The following CFAP20DC variants were observed in gnomAD, a reference collection of about 807,000 sequenced individuals.
CFAP20DC encodes the protein protein CFAP20DC.
A neutral mutation model predicts 101.7 loss-of-function variants in CFAP20DC; 84 were observed. That is an observed-to-expected ratio of 0.83 (90% CI 0.69 to 0.99). The LOEUF is 0.99. Ranked by LOEUF, CFAP20DC falls within the 50% of genes least tolerant of loss-of-function variation. The probability of loss-of-function intolerance (pLI) is 0.00; values close to 1 mark genes in which losing one functional copy is unlikely to be tolerated. For synonymous variants in CFAP20DC, 359 were observed against 351.2 expected (o/e 1.02, Z -0.25); for missense variants, 1,007 against 970.3 (o/e 1.04, Z -0.50).
At chr3:58,735,740 A>C (rs2067738550) in intron 3 of CFAP20DC, among the ~76,000 whole-genome samples, 1 of 152,214 alleles carries the variant, frequency 6.6e-6, no homozygotes, top group Non-Finnish European at 1.5e-5. Flanking sequence ...CAATGCTGAC[A>C]GCCACTATAT....
At chr3:59,049,159 T>A (rs535061764) in intron 1 of CFAP20DC, among the ~76,000 whole-genome samples, 1 of 152,212 alleles carries the variant, frequency 6.6e-6, no homozygotes, top group African/African-American at 2.4e-5. Context: ...AAACAGCACA[T>A]AGCCAAAGTG....
At chr3:58,843,200 T>A (rs371090685) in intron 13 of CFAP20DC, among the ~76,000 whole-genome samples, 11 of 152,076 alleles carry the variant, frequency 7.2e-5, no homozygotes, top group Non-Finnish European at 1.2e-4. Flanking sequence ...AGGCTTCAGA[T>A]GATCAAATGA....
intron 15 of CFAP20DC, among the ~76,000 whole-genome samples, chr3:58,784,054 T>G (rs1365688347): frequency 6.6e-6 from 1 of 151,920 alleles, no homozygotes. Flanking sequence ...GCCATTTTTT[T>G]TTTTTAAGAC....
chr3:58,820,967 T>C (rs202132618), intron 14 of CFAP20DC, among the ~76,000 whole-genome samples: 13,968 of 144,596 alleles, frequency 0.097, 1,309 homozygotes, highest in East Asian at 0.32. Flanking sequence ...TGGAACAGAA[T>C]AGAGCCCTCA....
At chr3:58,815,471 C>T (rs1432342352) in intron 14 of CFAP20DC, among the ~76,000 whole-genome samples, 2 of 149,222 alleles carry the variant, frequency 1.3e-5, no homozygotes, top group Non-Finnish European at 3.0e-5. Context: ...GTCTAAAACA[C>T]CAAAAGCAAT....
chr3:58,922,599 A>G (rs374473644), intron 5 of CFAP20DC, among the ~76,000 whole-genome samples: 1 of 152,128 alleles, frequency 6.6e-6, no homozygotes, highest in South Asian at 2.1e-4. Flanking sequence ...AACTCTCACT[A>G]TCTGTGCACA....
At chr3:58,947,557 T>C (rs1036073340) in intron 4 of CFAP20DC, among the ~76,000 whole-genome samples, 1 of 152,244 alleles carries the variant, frequency 6.6e-6, no homozygotes, top group Admixed American at 6.5e-5. Context: ...GATCTCCTTC[T>C]GCTTCATGTG....
In CFAP20DC at chr3:58,863,754, T is replaced by G; in HGVS notation, c.1397A>C (p.Gln466Pro). Residue 466 changes from glutamine to proline, a missense_variant, in exon 12 of 17, where the codon CAG becomes CCG. Coordinates refer to ENST00000482387, the MANE Select transcript of CFAP20DC (RefSeq NM_001394063.1). This position sits in a 1 kb window ranked among gnomAD's most constrained non-coding sequence, Gnocchi z 5.9. ...TGGAACACTCTGGGATTCCTCTGCC[T>G]GCTGGTCGTGTTCACTCTCTTTGCT... ...EASKESEHDQ[Q>P]AEESQSVPKD... 1 of 1,614,214 alleles carries G rather than the reference T, an allele frequency of 6.2e-7. No individual in the cohort carries two copies. Among genetic ancestry groups the G allele is most frequent in the Non-Finnish European group, 8.5e-7 (1 of 1,180,038 alleles).
intron 15 of CFAP20DC, among the ~76,000 whole-genome samples, chr3:58,804,370 T>C (rs1024999432): frequency 5.9e-5 from 9 of 151,864 alleles, no homozygotes; most frequent in African/African-American, 2.2e-4. Flanking sequence ...AGTTCTTTTT[T>C]TTTTTTTTTT....
intron 15 of CFAP20DC, among the ~76,000 whole-genome samples, chr3:58,764,267 T>C (rs542654725): frequency 6.6e-6 from 1 of 152,270 alleles, no homozygotes; most frequent in African/African-American, 2.4e-5. Flanking sequence ...TGCTGCCACC[T>C]TGTAGTTTGA....
chr3:58,763,902 T>A (rs935043691), intron 15 of CFAP20DC, among the ~76,000 whole-genome samples: 1 of 152,164 alleles, frequency 6.6e-6, no homozygotes, highest in South Asian at 2.1e-4. Flanking sequence ...TCTGGAAGTT[T>A]TATCTCAGAG....
intron 4 of CFAP20DC, among the ~76,000 whole-genome samples, chr3:58,985,326 C>T (rs929749519): frequency 6.6e-6 from 1 of 152,138 alleles, no homozygotes; most frequent in Admixed American, 6.5e-5. Context: ...ATTCCTTCCT[C>T]TTCAACTCTA....
At chr3:59,042,003 T>C (rs1163481924) in intron 3 of CFAP20DC, among the ~76,000 whole-genome samples, 1 of 152,132 alleles carries the variant, frequency 6.6e-6, no homozygotes, top group Non-Finnish European at 1.5e-5. Context: ...ATTTATATTC[T>C]AGCTCCATGA....
chr3:58,821,154 T>G (rs1452254980), intron 14 of CFAP20DC, among the ~76,000 whole-genome samples: 1 of 151,966 alleles, frequency 6.6e-6, no homozygotes, highest in East Asian at 1.9e-4. Flanking sequence ...CAAGATGGAT[T>G]AAAGATTTAA....
intron 8 of CFAP20DC, 84 bp downstream of exon 8, chr3:58,870,089 C>T (rs2080021604): frequency 1.8e-6 from 1 of 555,258 alleles, no homozygotes; most frequent in South Asian, 1.7e-5. Flanking sequence ...GTCTTTCCCT[C>T]CCTCCCTCCC....
chr3:59,042,516 A>G (rs1277374060), intron 3 of CFAP20DC, among the ~76,000 whole-genome samples: 2 of 152,068 alleles, frequency 1.3e-5, no homozygotes, highest in Non-Finnish European at 2.9e-5. Context: ...GTTTCAAAAC[A>G]GCAATGGGAC....
chr3:59,007,299 T>C lies in CFAP20DC; in HGVS notation c.278+32258A>G, dbSNP rs928701776. On this transcript the variant is annotated intron_variant, in intron 4 of 16. Coordinates refer to ENST00000482387, the MANE Select transcript of CFAP20DC (RefSeq NM_001394063.1). The surrounding 1 kb of genome is among the most constrained non-coding windows in gnomAD (Gnocchi z 4.4). ...AAAAGACATAAACTCTTGGGAGCTT[T>C]GTGGCTCTGCCCATCACCTAAGAAA... Among the ~76,000 whole-genome samples the C allele has an allele frequency of 4.6e-5, 7 of 152,156 alleles. No homozygotes were observed. Among genetic ancestry groups the C allele is most frequent in the African/African-American group, 1.7e-4 (7 of 41,424 alleles).
chr3:58,828,735 C>T (rs1401805745), intron 14 of CFAP20DC, among the ~76,000 whole-genome samples: 2 of 151,934 alleles, frequency 1.3e-5, no homozygotes, highest in East Asian at 3.9e-4. Context: ...ATTTGTACCC[C>T]AGTCTTCAGT....
intron 5 of CFAP20DC, among the ~76,000 whole-genome samples, chr3:58,930,204 G>C (rs2086449248): frequency 6.6e-6 from 1 of 152,140 alleles, no homozygotes; most frequent in African/African-American, 2.4e-5. Flanking sequence ...TTAAGTTTCT[G>C]ATGTTGCTTC....
Sources: gnomAD v4.1 joint callset for allele counts (sites outside exome capture counted in the v4.1 genomes callset) on GRCh38, gnomAD v4.1.1 for gene constraint, Gnocchi (gnomAD v3.1) non-coding constraint, MANE v1.5 for transcripts, NCBI Gene and HGNC (gene_info 2026-07-23, HGNC 2026-07-21) for gene names.